DNAH8: variants seen among roughly 807,000 people sequenced by gnomAD.
The protein encoded by DNAH8 is axonemal beta dynein heavy chain 8.
Under a neutral mutation model 562.1 loss-of-function variants are expected in DNAH8, and 382 were observed. The observed-to-expected ratio is 0.68, with a 90% confidence interval of 0.63 to 0.74. The LOEUF (loss-of-function observed/expected upper bound fraction) is 0.74. DNAH8 is among the 30% of genes least tolerant of loss of function. The pLI is 0.00. For synonymous variants in DNAH8, 1,881 were observed against 1,919.4 expected (o/e 0.98, Z 0.52); for missense variants, 5,203 against 5,620.4 (o/e 0.93, Z 2.37).
chr6:39,002,654 T>C (rs1765564221), intron 88 of DNAH8, among the ~76,000 whole-genome samples: 1 of 152,226 alleles, frequency 6.6e-6, no homozygotes, highest in African/African-American at 2.4e-5. Context: ...AACATCTGAA[T>C]AGAGGTTGCT....
intron 32 of DNAH8, among the ~76,000 whole-genome samples, chr6:38,835,019 A>T (rs376748078): frequency 1.3e-5 from 2 of 152,124 alleles, no homozygotes; most frequent in Non-Finnish European, 2.9e-5. Context: ...TTTTGCATCC[A>T]TCTCTTTAAG....
At chr6:38,776,311 G>A (rs1678658) in intron 13 of DNAH8, among the ~76,000 whole-genome samples, 3 of 150,742 alleles carry the variant, frequency 2.0e-5, no homozygotes, top group African/African-American at 7.3e-5. Context: ...TCCACCTCCC[G>A]AGTTCAAGTG....
intron 17 of DNAH8, 142 bp from the exon 18 acceptor site, chr6:38,786,623 G>T: frequency 1.4e-6 from 1 of 734,678 alleles, no homozygotes. Context: ...GCCAGACGCT[G>T]TGCCTTAGCA....
At chr6:38,893,964 T>G (rs191374521) in intron 58 of DNAH8, among the ~76,000 whole-genome samples, 2 of 152,332 alleles carry the variant, frequency 1.3e-5, no homozygotes, top group Admixed American at 1.3e-4. Flanking sequence ...CGGGTATCTC[T>G]CTGGGTAAGA....
Position 38,802,062 on chromosome 6 carries a change from A to AG in DNAH8, c.2902-1115dup, listed in dbSNP as rs111711698. Among the ~76,000 whole-genome samples the AG allele has an allele frequency of 3.9e-3, 586 of 151,572 alleles. 9 individuals carry two copies. The highest frequency in any genetic ancestry group is 0.014 in the African/African-American group (567 of 41,236). The stretch of plus-strand genomic sequence containing the variant: ...ATCCTCTTGCCTCAACCTCCTGAGT[A>AG]GGTGGGACCACAGGCACGCACCACC... On this transcript the variant is annotated intron_variant, in intron 21 of 92. Coordinates refer to ENST00000327475, the MANE Select transcript of DNAH8 (RefSeq NM_001206927.2).
rs1232601630 is a variant in DNAH8, at chr6:38,832,332, A to G, written c.4199A>G (p.Gln1400Arg). ...TCTTTTTTATTGTAGGTTTCAGTAC[A>G]AGAGGACCTAGTTCAAGTGCAGCCA... ...NKLQSKAVSV[Q>R]EDLVQVQPKF... The change falls in exon 31 of 93, where the codon CAA becomes CGA. Residue 1400 changes from glutamine (Q) to arginine (R), a missense_variant. Coordinates refer to ENST00000327475, the MANE Select transcript of DNAH8 (RefSeq NM_001206927.2). 6.2e-7 allele frequency: 1 copy of G among 1,609,714 alleles called. No individual in the cohort carries two copies. Among genetic ancestry groups the G allele is most frequent in the African/African-American group, 1.3e-5 (1 of 74,828 alleles).
At chr6:38,812,428 G>A (rs775253461) in intron 24 of DNAH8, among the ~76,000 whole-genome samples, 5 of 152,194 alleles carry the variant, frequency 3.3e-5, no homozygotes, top group Non-Finnish European at 5.9e-5. Flanking sequence ...CATGAGGATA[G>A]TACTAAAAAC....
chr6:38,774,811 T>G (rs1279322013), intron 12 of DNAH8, among the ~76,000 whole-genome samples: 1 of 152,170 alleles, frequency 6.6e-6, no homozygotes, highest in South Asian at 2.1e-4. Context: ...GTTCCTGTGT[T>G]TATATAGAGC....
At chr6:38,954,118 T>C (rs937583035) in intron 82 of DNAH8, among the ~76,000 whole-genome samples, 2 of 152,198 alleles carry the variant, frequency 1.3e-5, no homozygotes, top group Non-Finnish European at 2.9e-5. Context: ...GGTCAAGATC[T>C]GTAGTGAGAA....
At chr6:39,029,800 T>A (rs1322469634) in intron 92 of DNAH8, among the ~76,000 whole-genome samples, 1 of 152,162 alleles carries the variant, frequency 6.6e-6, no homozygotes, top group Non-Finnish European at 1.5e-5. Flanking sequence ...CTCAGAGACT[T>A]TCACCTCCCT....
intron 12 of DNAH8, among the ~76,000 whole-genome samples, chr6:38,772,355 C>T (rs368745787): frequency 7.2e-5 from 11 of 152,174 alleles, no homozygotes; most frequent in South Asian, 2.1e-4. Flanking sequence ...CATATCCTTG[C>T]CAACATTTGT....
intron 7 of DNAH8, among the ~76,000 whole-genome samples, 177 bp from the exon 8 acceptor site, chr6:38,741,534 A>G (rs1004508691): frequency 6.6e-6 from 1 of 152,104 alleles, no homozygotes; most frequent in Non-Finnish European, 1.5e-5. Context: ...GAATTTTAGT[A>G]GATAGTATCT....
At chr6:38,884,240 C>T (rs998734488) in intron 56 of DNAH8, among the ~76,000 whole-genome samples, 3 of 151,940 alleles carry the variant, frequency 2.0e-5, no homozygotes, top group Non-Finnish European at 4.4e-5. Flanking sequence ...GCACAACATG[C>T]AGGTTTGTTA....
intron 26 of DNAH8, 55 bp downstream of exon 26, chr6:38,815,712 A>T (rs370689307): frequency 7.1e-7 from 1 of 1,417,970 alleles, no homozygotes. Context: ...ATTTGATAGC[A>T]TATAGATTTT....
chr6:38,723,578 GA>G, intron 3 of DNAH8, 107 bp downstream of exon 3: 4 of 1,407,798 alleles, frequency 2.8e-6, no homozygotes, highest in Non-Finnish European at 3.8e-6. Flanking sequence ...AAATCATTCA[GA>G]AAGACAAAGT....
intron 56 of DNAH8, among the ~76,000 whole-genome samples, chr6:38,885,820 C>T (rs1369377553): frequency 6.6e-6 from 1 of 152,194 alleles, no homozygotes; most frequent in East Asian, 1.9e-4. Context: ...CCTTGAGCCC[C>T]TCCTATATTC....
At chr6:38,983,818 A>G (rs758190339) in intron 86 of DNAH8, among the ~76,000 whole-genome samples, 5 of 152,234 alleles carry the variant, frequency 3.3e-5, no homozygotes, top group African/African-American at 7.2e-5. Flanking sequence ...TTACTAAGAA[A>G]GCGTATTAAA....
At chr6:38,929,276 AACCCTCCT>A (rs1782348423) in intron 74 of DNAH8, 9 of 335,334 alleles carry the variant, frequency 2.7e-5, no homozygotes, top group Non-Finnish European at 4.8e-5. Flanking sequence ...AATGCCCCTT[AACCCTCCT>A]CTTTTGATCA....
Position 38,951,367 on chromosome 6 carries a change from G to T in DNAH8, c.12298G>T (p.Asp4100Tyr). The T allele has an allele frequency of 1.2e-6, 2 of 1,614,172 alleles. No homozygotes were observed. The highest frequency in any genetic ancestry group is 1.7e-6 in the Non-Finnish European group (2 of 1,180,028). The change falls in exon 82 of 93, where the codon GAT becomes TAT. Residue 4100 changes from aspartate to tyrosine, a missense_variant. By Grantham distance (160) the Asp-to-Tyr change is radical (BLOSUM62 -3). Around this residue, in one of 6 missense-constraint regions of DNAH8, gnomAD observed 1,399 missense variants for 1,518.4 expected, o/e 0.92. Coordinates refer to ENST00000327475, the MANE Select transcript of DNAH8 (RefSeq NM_001206927.2). ...TVFQARKYIA[D>Y]SLEEKYTEPV... ...TTTTCAAGCAAGAAAGTATATTGCA[G>T]ATTCTTTGGAGGAGAAGTACACAGA... is the stretch of plus-strand genomic sequence containing the variant.
Sources: allele counts gnomAD v4.1 joint callset (sites outside exome capture counted in the v4.1 genomes callset), GRCh38; gene constraint gnomAD v4.1.1; regional missense constraint gnomAD v4.1.1; transcripts MANE v1.5; gene names NCBI Gene and HGNC (gene_info 2026-07-23, HGNC 2026-07-21).